HDAC9: variants seen among roughly 807,000 people sequenced by gnomAD.
HDAC9 encodes histone deacetylase 9.
In HDAC9, 41 loss-of-function variants were observed where a neutral mutation model predicts 139.4. The observed-to-expected ratio is 0.29, with a 90% CI of 0.23 to 0.38. The LOEUF (loss-of-function observed/expected upper bound fraction) is 0.38, where lower values mean the gene tolerates loss of function less well. Ranked by LOEUF, HDAC9 falls within the 10% of genes least tolerant of loss-of-function variation. The pLI is 1.00. For synonymous variants in HDAC9, 517 were observed against 476.2 expected (o/e 1.09, Z -1.12); for missense variants, 1,147 against 1,297.0 (o/e 0.88, Z 1.78).
chr7:18,508,065 C>T (rs772703181), intron 2 of HDAC9, among the ~76,000 whole-genome samples: 2 of 152,036 alleles, frequency 1.3e-5, no homozygotes, highest in African/African-American at 4.8e-5. Context: ...TAAGAACCAA[C>T]CATATGACAC....
intron 13 of HDAC9, among the ~76,000 whole-genome samples, chr7:18,730,753 T>C (rs868208551): frequency 2.6e-5 from 4 of 152,344 alleles, no homozygotes; most frequent in Middle Eastern, 6.8e-3. Flanking sequence ...ACTTCAGGGA[T>C]AGAAGATTCC....
intron 1 of HDAC9, among the ~76,000 whole-genome samples, chr7:18,475,180 G>T (rs1244886667): frequency 6.6e-6 from 1 of 152,080 alleles, no homozygotes; most frequent in African/African-American, 2.4e-5. Flanking sequence ...TTTCACCCAG[G>T]GAATCCACTG....
At chr7:18,865,927 A>G (rs756322179) in intron 21 of HDAC9, among the ~76,000 whole-genome samples, 2 of 151,866 alleles carry the variant, frequency 1.3e-5, no homozygotes, top group Non-Finnish European at 2.9e-5. Flanking sequence ...ATTTTCACCT[A>G]TAATTTACAT....
At chr7:18,380,718 A>G (rs142970356) in intron 1 of HDAC9, among the ~76,000 whole-genome samples, 4 of 152,304 alleles carry the variant, frequency 2.6e-5, no homozygotes, top group East Asian at 1.9e-4. Flanking sequence ...CCAAACATCA[A>G]TAAGCTTCTC....
intron 23 of HDAC9, among the ~76,000 whole-genome samples, chr7:18,951,888 A>G (rs908558953): frequency 5.9e-5 from 9 of 151,888 alleles, no homozygotes; most frequent in Admixed American, 1.3e-4. Context: ...AAGACAATCC[A>G]GTTCTGTGGT....
chr7:18,257,436 C>A (rs935331763), intron 2 of HDAC9, among the ~76,000 whole-genome samples: 37 of 141,396 alleles, frequency 2.6e-4, no homozygotes, highest in South Asian at 4.6e-4. Flanking sequence ...CACACACACA[C>A]AAAAAGAAAA....
At position 18,348,710 on chromosome 7, in the gene HDAC9, C is replaced by T. The variant is rs373963146; in HGVS notation, c.-42+58195C>T. On this transcript the variant is annotated intron_variant, in intron 1 of 3. Coordinates refer to the HDAC9 transcript ENST00000413509. ...CAAAATCTCCTAACACAAACTTTCTCCTTCTGCCTTCTCTTTAGCCCTTTT... is the reference window on the plus strand; with the variant it reads ...CAAAATCTCCTAACACAAACTTTCTTCTTCTGCCTTCTCTTTAGCCCTTTT... 4.6e-5 allele frequency among the ~76,000 whole-genome samples: 7 copies of T among 152,166 alleles called. No individual in the cohort carries two copies. The South Asian group carries it at 8.3e-4, about 18-fold the overall frequency.
chr7:18,255,508 A>G (rs185614978), intron 2 of HDAC9, among the ~76,000 whole-genome samples: 5 of 152,292 alleles, frequency 3.3e-5, no homozygotes, highest in African/African-American at 9.6e-5. Flanking sequence ...GAATATTGGA[A>G]AATTATTCAG....
At chr7:18,535,104 C>G (rs992871765) in intron 2 of HDAC9, among the ~76,000 whole-genome samples, 1 of 152,160 alleles carries the variant, frequency 6.6e-6, no homozygotes, top group African/African-American at 2.4e-5. Flanking sequence ...GGCTGTTAAT[C>G]ACTATCCAAC....
At chr7:18,145,317 G>A (rs1786227991) in intron 1 of HDAC9, among the ~76,000 whole-genome samples, 3 of 152,216 alleles carry the variant, frequency 2.0e-5, no homozygotes, top group Non-Finnish European at 4.4e-5. Context: ...TAATCTCATG[G>A]AGATAATTTG....
chr7:18,808,920 C>T (rs1793950372), intron 17 of HDAC9, among the ~76,000 whole-genome samples: 1 of 152,008 alleles, frequency 6.6e-6, no homozygotes, highest in Non-Finnish European at 1.5e-5. Context: ...GAAGACATCA[C>T]ACTTCTTGAT....
At chr7:18,140,383 G>A (rs1024385232) in intron 1 of HDAC9, among the ~76,000 whole-genome samples, 1 of 152,092 alleles carries the variant, frequency 6.6e-6, no homozygotes, top group Non-Finnish European at 1.5e-5. Flanking sequence ...TTATTGTACA[G>A]GGTTTTCTCT....
intron 2 of HDAC9, among the ~76,000 whole-genome samples, chr7:18,233,858 G>A (rs1372182499): frequency 3.3e-5 from 5 of 152,058 alleles, no homozygotes; most frequent in Non-Finnish European, 7.4e-5. Context: ...GTCAACACAA[G>A]GTCCACATTG....
chr7:18,481,198 A>G (rs1012852680), intron 1 of HDAC9, among the ~76,000 whole-genome samples: 2 of 152,196 alleles, frequency 1.3e-5, no homozygotes, highest in Admixed American at 1.3e-4. Flanking sequence ...TAATAATAAT[A>G]TTATATGATA....
intron 22 of HDAC9, among the ~76,000 whole-genome samples, chr7:18,931,054 T>C (rs1356123759): frequency 6.6e-6 from 1 of 152,202 alleles, no homozygotes; most frequent in African/African-American, 2.4e-5. Flanking sequence ...TGATTTATTA[T>C]ATCTTTTAAA....
At chr7:18,338,445 T>G (rs117699411) in intron 1 of HDAC9, among the ~76,000 whole-genome samples, 2,986 of 151,692 alleles carry the variant, frequency 0.02, 41 homozygotes, top group Middle Eastern at 0.031. Context: ...TTAATAAATA[T>G]TTGGCAGTAT....
chr7:18,305,378 G>A (rs973152484), intron 1 of HDAC9, among the ~76,000 whole-genome samples: 6 of 152,106 alleles, frequency 3.9e-5, no homozygotes, highest in African/African-American at 1.2e-4. Flanking sequence ...TTAGGTTTGA[G>A]TAAAAGAAAA....
intron 2 of HDAC9, among the ~76,000 whole-genome samples, chr7:18,541,150 T>TTG (rs1314462413): frequency 1.4e-5 from 2 of 147,292 alleles, no homozygotes; most frequent in Non-Finnish European, 3.0e-5. Flanking sequence ...TGTTTTTTTT[T>TTG]TTTTTTTTTT....
At chr7:18,886,407 A>G (rs1027480899) in intron 22 of HDAC9, among the ~76,000 whole-genome samples, 4 of 152,208 alleles carry the variant, frequency 2.6e-5, no homozygotes, top group South Asian at 2.1e-4. Flanking sequence ...GCCCCAGAGG[A>G]AGATGCCAAC....
Sources: allele counts gnomAD v4.1 joint callset (sites outside exome capture counted in the v4.1 genomes callset), GRCh38; gene constraint gnomAD v4.1.1; transcripts MANE v1.5; gene names NCBI Gene and HGNC (gene_info 2026-07-23, HGNC 2026-07-21).